The following CRADD variants were observed in gnomAD, a reference collection of about 807,000 sequenced individuals.
CRADD encodes death domain-containing protein CRADD.
In CRADD, 9 loss-of-function variants were observed where a neutral mutation model predicts 15.5. The observed-to-expected ratio is 0.58, with a 90% CI of 0.35 to 1.01. The LOEUF is 1.01. Among genes scored for constraint, CRADD ranks in the 50% least tolerant of loss-of-function variants. The pLI, the probability that CRADD is intolerant of heterozygous loss-of-function variation, is 0.02. For synonymous variants in CRADD, 118 were observed against 107.6 expected, an observed-to-expected ratio of 1.10 and a Z score of -0.60; for missense variants, 227 against 250.3, an observed-to-expected ratio of 0.91 and a Z score of 0.63.
At chr12:93,830,059 A>T (rs1400152792) in intron 2 of CRADD, among the ~76,000 whole-genome samples, 1 of 152,080 alleles carries the variant, frequency 6.6e-6, no homozygotes, top group Non-Finnish European at 1.5e-5. Flanking sequence ...CAGGAAATTG[A>T]CCAGTGGTGG....
At chr12:93,742,364 T>C (rs1456172930) in intron 2 of CRADD, among the ~76,000 whole-genome samples, 1 of 151,464 alleles carries the variant, frequency 6.6e-6, no homozygotes, top group Non-Finnish European at 1.5e-5. Flanking sequence ...GAGCTGCAGA[T>C]AAGCCAGCGC....
intron 2 of CRADD, among the ~76,000 whole-genome samples, chr12:93,893,345 C>T (rs967249157): frequency 2.6e-5 from 4 of 151,822 alleles, no homozygotes; most frequent in African/African-American, 9.7e-5. Flanking sequence ...ATTCCCTTCC[C>T]TCATTACTTT....
chr12:93,894,378 A>AT (rs1038815570), exon 3 of CRADD: 2 of 497,514 alleles, frequency 4.0e-6, no homozygotes, highest in Non-Finnish European at 7.3e-6. Flanking sequence ...GTTGTCCAAA[A>AT]TGTCAATGGT....
intron 2 of CRADD, among the ~76,000 whole-genome samples, chr12:93,688,113 G>A (rs942895343): frequency 6.6e-6 from 1 of 152,210 alleles, no homozygotes; most frequent in African/African-American, 2.4e-5. Flanking sequence ...GGATGGAAGA[G>A]AGAAGGAGAG....
At chr12:93,719,682 T>C (rs1194312664) in intron 2 of CRADD, among the ~76,000 whole-genome samples, 2 of 152,208 alleles carry the variant, frequency 1.3e-5, no homozygotes, top group Non-Finnish European at 2.9e-5. Context: ...GATTGTGTTT[T>C]TCAATGAATT....
chr12:93,872,194 G>A (rs1038908351), intron 2 of CRADD, among the ~76,000 whole-genome samples: 2 of 152,108 alleles, frequency 1.3e-5, no homozygotes, highest in South Asian at 4.1e-4. Flanking sequence ...ATGCCTGTTT[G>A]CCATTTGTAC....
chr12:93,679,937 G>A (rs759580974), intron 2 of CRADD, among the ~76,000 whole-genome samples: 11 of 152,186 alleles, frequency 7.2e-5, no homozygotes, highest in South Asian at 2.1e-4. Flanking sequence ...AAGGTTATTC[G>A]TTTAAAGTGT....
intron 2 of CRADD, among the ~76,000 whole-genome samples, chr12:93,887,163 A>G (rs1375935646): frequency 6.6e-6 from 1 of 152,234 alleles, no homozygotes; most frequent in East Asian, 1.9e-4. Context: ...GTGGGGAAAT[A>G]TGAGAATTAC....
intron 2 of CRADD, among the ~76,000 whole-genome samples, chr12:93,731,394 G>T (rs1469665398): frequency 6.6e-6 from 1 of 152,176 alleles, no homozygotes; most frequent in Non-Finnish European, 1.5e-5. Context: ...GAGTATGTAG[G>T]TACTTCCTGT....
intron 2 of CRADD, among the ~76,000 whole-genome samples, chr12:93,790,030 G>T (rs1258976526): frequency 1.3e-5 from 2 of 152,116 alleles, no homozygotes; most frequent in Non-Finnish European, 2.9e-5. Context: ...CTCTGTAAAT[G>T]GAACACAAGC....
At chr12:93,716,284 C>T (rs1359650434) in intron 2 of CRADD, among the ~76,000 whole-genome samples, 1 of 152,120 alleles carries the variant, frequency 6.6e-6, no homozygotes, top group Non-Finnish European at 1.5e-5. Flanking sequence ...GCTATATACT[C>T]CCTTCCCCTG....
chr12:93,720,916 G>A (rs73361533), intron 2 of CRADD, among the ~76,000 whole-genome samples: 10,622 of 152,186 alleles, frequency 0.07, 1,043 homozygotes, highest in African/African-American at 0.22. Context: ...TGAGGTGATT[G>A]TTAGTTGGGT....
intron 2 of CRADD, among the ~76,000 whole-genome samples, chr12:93,834,576 C>A (rs567712668): frequency 1.2e-4 from 18 of 152,208 alleles, no homozygotes; most frequent in African/African-American, 3.4e-4. Flanking sequence ...ACAACCTCTA[C>A]CTCCCAGGTT....
chr12:93,788,544 T>A (rs1297292555), intron 2 of CRADD, among the ~76,000 whole-genome samples: 1 of 152,166 alleles, frequency 6.6e-6, no homozygotes, highest in Non-Finnish European at 1.5e-5. Context: ...CTTGTTAGAA[T>A]GATGTTCTTG....
chr12:93,782,739 T>G (rs1592986133), intron 2 of CRADD, among the ~76,000 whole-genome samples: 1 of 152,268 alleles, frequency 6.6e-6, no homozygotes, highest in South Asian at 2.1e-4. Flanking sequence ...GTTTATTACA[T>G]GTTACTAAGG....
chr12:93,766,789 G>A (rs972147091), intron 2 of CRADD, among the ~76,000 whole-genome samples: 1 of 152,190 alleles, frequency 6.6e-6, no homozygotes, highest in African/African-American at 2.4e-5. Flanking sequence ...TTTCTATTTG[G>A]AATGTAAGCT....
At chr12:93,741,867 T>C (rs1956672136) in intron 2 of CRADD, among the ~76,000 whole-genome samples, 1 of 152,194 alleles carries the variant, frequency 6.6e-6, no homozygotes, top group Non-Finnish European at 1.5e-5. Flanking sequence ...GCGGCTGGCC[T>C]GTGCTCTTTC....
intron 2 of CRADD, among the ~76,000 whole-genome samples, chr12:93,724,227 A>G (rs928220905): frequency 2.6e-5 from 4 of 152,058 alleles, no homozygotes; most frequent in African/African-American, 9.7e-5. Context: ...TAAAAATACA[A>G]AAACTAGCTG....
chr12:93,834,417 G>T (rs1207995231), intron 2 of CRADD, among the ~76,000 whole-genome samples: 1 of 151,978 alleles, frequency 6.6e-6, no homozygotes, highest in Non-Finnish European at 1.5e-5. Context: ...ATCTAGCTTT[G>T]ATTTTGATTA....
Sources: allele counts gnomAD v4.1 joint callset (sites outside exome capture counted in the v4.1 genomes callset), GRCh38; gene constraint gnomAD v4.1.1; transcripts MANE v1.5; gene names NCBI Gene and HGNC (gene_info 2026-07-23, HGNC 2026-07-21).